Variants in NTN1 observed in about 807,000 individuals in gnomAD.
NTN1 encodes the protein netrin 1.
NTN1 carries 11 observed loss-of-function variants against 54.2 expected under a neutral mutation model. The observed-to-expected ratio is 0.20, with a 90% CI of 0.13 to 0.34. NTN1 has a LOEUF of 0.34. NTN1 is among the 10% of genes least tolerant of loss of function. The pLI is 1.00. For synonymous variants in NTN1, 371 were observed against 382.0 expected (o/e 0.97, Z 0.33); for missense variants, 740 against 893.1 (o/e 0.83, Z 2.18).
Position 9,212,935 on chromosome 17 carries a change from C to A in NTN1, c.1412-8233C>A. ...TGCCTGCCATATGCTCAGAGATGAG[C>A]CTCGATCCGGCGAGCAGGCCGGCTC... On this transcript the variant is annotated intron_variant, in intron 5 of 6. Coordinates refer to ENST00000173229, the MANE Select transcript of NTN1 (RefSeq NM_004822.3). The surrounding 1 kb of genome is among the most constrained non-coding windows in gnomAD (Gnocchi z 5.5). Among the ~76,000 whole-genome samples, 1 of 152,208 alleles carries A rather than the reference C, an allele frequency of 6.6e-6. No individual in the cohort carries two copies. Among genetic ancestry groups the A allele is most frequent in the Non-Finnish European group, 1.5e-5 (1 of 68,032 alleles).
the NTN1 span, among the ~76,000 whole-genome samples, chr17:9,005,651 A>T: frequency 5.9e-5 from 9 of 152,116 alleles, no homozygotes; most frequent in African/African-American, 2.2e-4. Context: ...TGCTTGTTCT[A>T]TGTGCGTCAC....
rs370864994 is a variant in NTN1, at chr17:9,162,835, C to G, written c.1041C>G (p.Ala347=). ...CAGCCTGTAACTGCAACCTGCATGC[C>G]CGGCGCTGCCGCTTCAACATGGAGC... ...ECVACNCNLH[A]RRCRFNMELY... The change falls in exon 3 of 7, where the codon GCC becomes GCG. Residue 347 remains alanine (A), a synonymous_variant. Coordinates refer to ENST00000173229, the MANE Select transcript of NTN1 (RefSeq NM_004822.3). 2.5e-6 allele frequency: 4 copies of G among 1,613,170 alleles called. No individual in the cohort carries two copies. The African/African-American group carries it at 4.0e-5, about 16-fold the overall frequency.
chr17:9,082,826 C>A (rs1379120513), intron 2 of NTN1, among the ~76,000 whole-genome samples: 1 of 151,632 alleles, frequency 6.6e-6, no homozygotes, highest in East Asian at 1.9e-4. Flanking sequence ...AATCTGAAGT[C>A]TTCCTTAGGT....
intron 2 of NTN1, among the ~76,000 whole-genome samples, chr17:9,064,112 AGG>A (rs2092007526): frequency 6.6e-6 from 1 of 152,150 alleles, no homozygotes; most frequent in South Asian, 2.1e-4. Context: ...TATTGTTTGT[AGG>A]TAAGTGGAAA....
intron 4 of NTN1, among the ~76,000 whole-genome samples, chr17:9,182,276 A>C (rs1407922996): frequency 6.6e-6 from 1 of 152,218 alleles, no homozygotes; most frequent in Non-Finnish European, 1.5e-5. Flanking sequence ...GAGCCCCTGC[A>C]CCTGGCCAGA....
At chr17:9,169,269 C>G (rs758681500) in intron 3 of NTN1, among the ~76,000 whole-genome samples, 43 of 152,220 alleles carry the variant, frequency 2.8e-4, no homozygotes, top group African/African-American at 9.7e-4. Flanking sequence ...TAGTCAACCT[C>G]TTAGGAGAAC....
At chr17:9,196,195 A>G (rs1481982096) in intron 5 of NTN1, among the ~76,000 whole-genome samples, 2 of 152,136 alleles carry the variant, frequency 1.3e-5, no homozygotes, top group Non-Finnish European at 2.9e-5. Context: ...CACCCGGGCA[A>G]TGGGGGGCTG....
At chr17:9,027,732 C>G (rs192287942) in intron 2 of NTN1, among the ~76,000 whole-genome samples, 1 of 152,188 alleles carries the variant, frequency 6.6e-6, no homozygotes, top group African/African-American at 2.4e-5. Flanking sequence ...TTTATCTTAG[C>G]CATCAGGCCT....
chr17:9,147,790 G>A, intron 2 of NTN1, among the ~76,000 whole-genome samples: 1 of 152,162 alleles, frequency 6.6e-6, no homozygotes, highest in East Asian at 1.9e-4. Flanking sequence ...TTGATGGTAG[G>A]CCACCTAAAA....
intron 2 of NTN1, among the ~76,000 whole-genome samples, chr17:9,127,147 G>C (rs1018251568): frequency 6.6e-6 from 1 of 152,048 alleles, no homozygotes; most frequent in African/African-American, 2.4e-5. Flanking sequence ...GTTGAGCTGG[G>C]TGGTGGCATG....
At chr17:9,196,278 G>A (rs1904632611) in intron 5 of NTN1, among the ~76,000 whole-genome samples, 1 of 152,178 alleles carries the variant, frequency 6.6e-6, no homozygotes, top group Non-Finnish European at 1.5e-5. Context: ...CTCAACCCTA[G>A]GGTAGGAAAG....
chr17:9,102,312 A>G (rs139064801), intron 2 of NTN1, among the ~76,000 whole-genome samples: 15 of 132,336 alleles, frequency 1.1e-4, no homozygotes, highest in Non-Finnish European at 2.1e-4. Flanking sequence ...CAATCATGGC[A>G]GAAGGGGGAG....
intron 5 of NTN1, among the ~76,000 whole-genome samples, chr17:9,204,304 CTCTCTT>C (rs143037634): frequency 0.094 from 14,207 of 150,962 alleles, 1,098 homozygotes; most frequent in African/African-American, 0.21. Context: ...CTCTCTCTCT[CTCTCTT>C]TCTTTCTGAC....
At chr17:9,123,297 C>T (rs2092236730) in intron 2 of NTN1, among the ~76,000 whole-genome samples, 1 of 152,156 alleles carries the variant, frequency 6.6e-6, no homozygotes, top group South Asian at 2.1e-4. Flanking sequence ...ACAGGTTGAA[C>T]ATTTTTCACA....
chr17:9,118,773 C>T (rs910051020), intron 2 of NTN1, among the ~76,000 whole-genome samples: 1 of 152,114 alleles, frequency 6.6e-6, no homozygotes, highest in Non-Finnish European at 1.5e-5. Flanking sequence ...GCTTCTTTCC[C>T]GTGACATAAT....
chr17:9,202,913 T>C (rs1904843027), intron 5 of NTN1, among the ~76,000 whole-genome samples: 1 of 152,086 alleles, frequency 6.6e-6, no homozygotes, highest in Non-Finnish European at 1.5e-5. Flanking sequence ...TTTCTTTTTT[T>C]CTTATTTTTT....
At chr17:9,007,464 CTCTT>C in the NTN1 span, among the ~76,000 whole-genome samples, 16 of 145,582 alleles carry the variant, frequency 1.1e-4, no homozygotes, top group South Asian at 2.2e-4. Context: ...TTCCTTCCTT[CTCTT>C]TCTTTCATTC....
At chr17:9,109,867 T>G (rs8070235) in intron 2 of NTN1, among the ~76,000 whole-genome samples, 433 of 152,368 alleles carry the variant, frequency 2.8e-3, no homozygotes, top group Admixed American at 6.3e-3. Flanking sequence ...CTGATTATTG[T>G]GAGGTTAAGC....
chr17:9,124,213 G>T (rs1009664992), intron 2 of NTN1, among the ~76,000 whole-genome samples: 1 of 152,156 alleles, frequency 6.6e-6, no homozygotes, highest in Admixed American at 6.5e-5. Context: ...ACTTCTAGAC[G>T]CTTTTCTTCC....
Sources: gnomAD v4.1 joint callset for allele counts (sites outside exome capture counted in the v4.1 genomes callset) on GRCh38, gnomAD v4.1.1 for gene constraint, Gnocchi (gnomAD v3.1) non-coding constraint, MANE v1.5 for transcripts, NCBI Gene and HGNC (gene_info 2026-07-23, HGNC 2026-07-21) for gene names.